Variants in USP36 observed in about 807,000 individuals in gnomAD.
The protein encoded by USP36 is ubiquitin specific peptidase 36, also known as ubiquitin carboxyl-terminal hydrolase 36.
Under a neutral mutation model 111.5 loss-of-function variants are expected in USP36, and 59 were observed. The ratio of observed to expected loss-of-function variants is 0.53; its 90% CI spans 0.43 to 0.66. The LOEUF (loss-of-function observed/expected upper bound fraction) is 0.66. Ranked by LOEUF, USP36 falls within the 30% of genes least tolerant of loss-of-function variation. The pLI is 0.00. For synonymous variants in USP36, 628 were observed against 581.0 expected (o/e 1.08, Z -1.16); for missense variants, 1,488 against 1,468.0 (o/e 1.01, Z -0.22).
chr17:78,808,213 T>C (rs1305510332), intron 13 of USP36, among the ~76,000 whole-genome samples: 2 of 152,236 alleles, frequency 1.3e-5, no homozygotes, highest in Non-Finnish European at 2.9e-5. Context: ...ATCTTAAAGC[T>C]ATTATCTCAA....
At position 78,803,674 on chromosome 17, in the gene USP36, G is replaced by C; in HGVS notation, c.2521C>G (p.His841Asp). ...QHIREATAAP[H>D]GKRKRKKKKR... Reference sequence around the variant, plus strand: ...TTCTTCTTCCTCTTCCTCTTCCCGTGGGGAGCCGCAGTGGCCTCCCTGATG... The same window carrying C: ...TTCTTCTTCCTCTTCCTCTTCCCGTCGGGAGCCGCAGTGGCCTCCCTGATG... The change falls in exon 16 of 21, where the codon CAC (histidine) becomes GAC (aspartate). Residue 841 changes from histidine (H) to aspartate (D), a missense_variant. Around this residue, in one of 3 missense-constraint regions of USP36, gnomAD observed 1,073 missense variants for 994.1 expected, o/e 1.08. Coordinates refer to ENST00000449938, the MANE Select transcript of USP36 (RefSeq NM_001385174.1). This position sits in a 1 kb window ranked among gnomAD's most constrained non-coding sequence, Gnocchi z 4.6. 1 of 1,609,834 alleles carries C rather than the reference G, an allele frequency of 6.2e-7. No individual in the cohort carries two copies. Among genetic ancestry groups the C allele is most frequent in the African/African-American group, 1.3e-5 (1 of 74,854 alleles).
chr17:78,806,660 C>T (rs1035613943), intron 14 of USP36, among the ~76,000 whole-genome samples: 9 of 152,290 alleles, frequency 5.9e-5, no homozygotes, highest in African/African-American at 7.2e-5. Context: ...CACCCTCCCT[C>T]GGGTTCAGTC....
chr17:78,790,998 C>T (rs1240270339), downstream of USP36, among the ~76,000 whole-genome samples: 1 of 152,124 alleles, frequency 6.6e-6, no homozygotes, highest in Non-Finnish European at 1.5e-5. Context: ...AGACATGTAT[C>T]GTGAGAGTGA....
At chr17:78,836,011 A>T in intron 3 of USP36, 100 bp downstream of exon 3, 1 of 1,513,884 alleles carries the variant, frequency 6.6e-7, no homozygotes, top group Admixed American at 2.1e-5. Flanking sequence ...CTCTTTGACC[A>T]CATTCTCTTG....
chr17:78,824,979 A>G (rs2067406178), intron 6 of USP36, among the ~76,000 whole-genome samples: 1 of 152,212 alleles, frequency 6.6e-6, no homozygotes, highest in South Asian at 2.1e-4. Context: ...ACAGTTACGA[A>G]TATCTAACCA....
rs866145000 is a variant in USP36, at chr17:78,796,688, G to C, written c.*1212C>G. ...GGTGCAGACAGCGAGGCAGCCACCC[G>C]GGACAGCAGGATGCCTCTGGCCCAG... On this transcript the variant is annotated 3_prime_UTR_variant, in exon 21 of 21. Transcript: ENST00000449938. 6.6e-6 allele frequency: 1 copy of C among 152,312 alleles called. No homozygotes were observed. Among genetic ancestry groups the C allele is most frequent in the Non-Finnish European group, 1.5e-5 (1 of 68,080 alleles). 9.4% of individuals were successfully genotyped at this position (152,312 alleles called of 1,614,324 possible).
intron 3 of USP36, among the ~76,000 whole-genome samples, chr17:78,789,477 T>C (rs141861189): frequency 1.6e-4 from 25 of 152,244 alleles, no homozygotes; most frequent in African/African-American, 4.3e-4. Context: ...CTCCTGGACT[T>C]GCTAATTTTG....
At chr17:78,831,878 G>C (rs1481124620) in intron 4 of USP36, among the ~76,000 whole-genome samples, 1 of 149,424 alleles carries the variant, frequency 6.7e-6, no homozygotes, top group Non-Finnish European at 1.5e-5. Flanking sequence ...GGGAGGTGGA[G>C]GTTGCAGTCA....
Position 78,798,533 on chromosome 17 carries a change from A to G in USP36, c.3259T>C (p.Phe1087Leu). ...AAGTTTCTCCTCTTCTCTCTCTTAA[A>G]TTTTTTAATTTTCTTTTCCTAGACC... ...DRGKEKKIKKFKREKRRNFNA... is the reference protein window; with the variant it reads ...DRGKEKKIKKLKREKRRNFNA... The change falls in exon 20 of 21, where the codon TTT becomes CTT. Residue 1087 changes from phenylalanine to leucine, a missense_variant. Coordinates refer to ENST00000449938, the MANE Select transcript of USP36 (RefSeq NM_001385174.1). The surrounding 1 kb of genome is among the most constrained non-coding windows in gnomAD (Gnocchi z 5.1). 6.2e-7 allele frequency: 1 copy of G among 1,613,674 alleles called. No individual in the cohort carries two copies. Among genetic ancestry groups the G allele is most frequent in the South Asian group, 1.1e-5 (1 of 91,014 alleles).
intron 17 of USP36, among the ~76,000 whole-genome samples, chr17:78,802,023 A>T (rs1283076890): frequency 2.0e-5 from 3 of 152,082 alleles, no homozygotes; most frequent in African/African-American, 7.2e-5. Flanking sequence ...CCAAGCTCAG[A>T]TGCAGTAGAC....
chr17:78,809,401 G>A (rs2093994565), intron 13 of USP36, among the ~76,000 whole-genome samples: 1 of 152,164 alleles, frequency 6.6e-6, no homozygotes, highest in Non-Finnish European at 1.5e-5. Context: ...CCGCAAAGCC[G>A]TTTCACTGGC....
In USP36 at chr17:78,811,640, C is replaced by T. The variant is rs528058880; in HGVS notation, c.1407+1220G>A. On this transcript the variant is annotated intron_variant, in intron 13 of 20. Transcript: ENST00000449938. ...ATCCCAGCACTTTGGGAGGCTGAGG[C>T]GGGTGGATCAGGAGGTCAGCAGATA... is the stretch of plus-strand genomic sequence containing the variant. 2.4e-4 allele frequency among the ~76,000 whole-genome samples: 36 copies of T among 152,112 alleles called. 1 individual carries two copies. The highest frequency in any genetic ancestry group is 3.9e-4 in the East Asian group (2 of 5,174).
chr17:78,837,524 A>ACAGTC (rs1401215509), intron 2 of USP36, among the ~76,000 whole-genome samples: 4 of 152,120 alleles, frequency 2.6e-5, no homozygotes, highest in Non-Finnish European at 5.9e-5. Context: ...GCTACATACT[A>ACAGTC]CAGTCCCTAA....
chr17:78,811,404 C>T (rs2094052528), intron 13 of USP36, among the ~76,000 whole-genome samples: 1 of 152,276 alleles, frequency 6.6e-6, no homozygotes. Flanking sequence ...TGCATATACA[C>T]ATATTTCTAT....
intron 13 of USP36, 62 bp downstream of exon 13, chr17:78,812,798 T>C: frequency 3.8e-6 from 6 of 1,587,898 alleles, no homozygotes; most frequent in Non-Finnish European, 5.2e-6. Context: ...TTCCCAAGTG[T>C]GAGGAGGTCT....
chr17:78,832,253 C>G (rs1361095846), intron 4 of USP36, among the ~76,000 whole-genome samples: 2 of 152,208 alleles, frequency 1.3e-5, no homozygotes, highest in African/African-American at 2.4e-5. Flanking sequence ...AGCTGCTGCT[C>G]CGTGCCACGT....
In USP36 at chr17:78,803,281, A is replaced by G. The variant is rs2093802276; in HGVS notation, c.2810+104T>C. On this transcript the variant is annotated intron_variant, in intron 16 of 20. Coordinates refer to ENST00000449938, the MANE Select transcript of USP36 (RefSeq NM_001385174.1). This position sits in a 1 kb window ranked among gnomAD's most constrained non-coding sequence, Gnocchi z 4.6. The stretch of plus-strand genomic sequence containing the variant: ...AAATCCACATTTTAGAAAACCACGC[A>G]AGCAGACTACGTTTCCAGACCATAC... The G allele has an allele frequency of 7.7e-7, 1 of 1,300,010 alleles. No individual in the cohort carries two copies. The highest frequency in any genetic ancestry group is 2.2e-5 in the Admixed American group (1 of 45,184). 80.5% of individuals were successfully genotyped at this position (1,300,010 alleles called of 1,614,324 possible). A position where few individuals can be genotyped will look rare whatever the true frequency, so the allele number is the denominator to read the frequency against.
chr17:78,821,209 C>T (rs1484668210), intron 7 of USP36, 148 bp from the exon 8 acceptor site: 12 of 664,310 alleles, frequency 1.8e-5, no homozygotes, highest in African/African-American at 1.3e-4. Context: ...TCCTGGTGTC[C>T]GAACAGAGAG....
chr17:78,799,577 TCA>T, intron 18 of USP36, 88 bp downstream of exon 18: 1 of 1,198,478 alleles, frequency 8.3e-7, no homozygotes, highest in East Asian at 2.5e-5. Context: ...CCCGCCACAC[TCA>T]CAGTGCACCA....
Sources: gnomAD v4.1 joint callset for allele counts (sites outside exome capture counted in the v4.1 genomes callset) on GRCh38, gnomAD v4.1.1 for gene constraint, gnomAD v4.1.1 regional missense constraint, Gnocchi (gnomAD v3.1) non-coding constraint, MANE v1.5 for transcripts, NCBI Gene and HGNC (gene_info 2026-07-23, HGNC 2026-07-21) for gene names.